The following SASS6 variants were observed in gnomAD, a reference collection of about 807,000 sequenced individuals.
SASS6 encodes spindle assembly abnormal protein 6 homolog.
In SASS6, 59 loss-of-function variants were observed where a neutral mutation model predicts 94.9. That is an observed-to-expected ratio of 0.62 (90% CI 0.50 to 0.77). SASS6 has a LOEUF of 0.77. SASS6 is among the 30% of genes least tolerant of loss of function. SASS6 has a pLI of 0.00. For missense variants in SASS6, 698 were observed against 734.1 expected, an observed-to-expected ratio of 0.95 and a Z score of 0.57; for synonymous variants, 264 against 270.0, an observed-to-expected ratio of 0.98 and a Z score of 0.22.
chr1:100,100,403 C>A lies in SASS6; in HGVS notation c.1674+2552G>T, dbSNP rs540742705. 4.6e-5 allele frequency among the ~76,000 whole-genome samples: 7 copies of A among 152,334 alleles called. No homozygotes were observed. The South Asian group carries it at 1.5e-3, about 32-fold the overall frequency. ...TTTGTCTTGTTCACTGCTGTCATCT[C>A]CTGCAACTAAAACTATGCCTGGCCA... On this transcript the variant is annotated intron_variant, in intron 14 of 16. Coordinates refer to ENST00000287482, the MANE Select transcript of SASS6 (RefSeq NM_194292.3).
chr1:100,091,160 C>T (rs1651653527), intron 14 of SASS6, among the ~76,000 whole-genome samples: 1 of 152,062 alleles, frequency 6.6e-6, no homozygotes, highest in African/African-American at 2.4e-5. Context: ...CAAAAATTAA[C>T]TGGGGGTGGT....
At chr1:100,124,470 T>G (rs906867781) in intron 2 of SASS6, among the ~76,000 whole-genome samples, 1 of 152,200 alleles carries the variant, frequency 6.6e-6, no homozygotes, top group Non-Finnish European at 1.5e-5. Context: ...AGCCTCAACC[T>G]CCCAGTCTCA....
chr1:100,116,435 T>C (rs1379129328), intron 7 of SASS6, among the ~76,000 whole-genome samples: 1 of 152,214 alleles, frequency 6.6e-6, no homozygotes, highest in Non-Finnish European at 1.5e-5. Flanking sequence ...AATGGCAATG[T>C]AAACCGGTAT....
rs6700036 is a variant in SASS6 at position 100,084,814 on chromosome 1, T to A, written c.*514A>T. ...ATGAAGGCTTAATTCATTTCAGTTA[T>A]TTAAGGTAAATTTAGGACTTTTCCC... On this transcript the variant is annotated 3_prime_UTR_variant, in exon 17 of 17. Transcript: ENST00000287482. 0.045 allele frequency: 6,821 copies of A among 152,406 alleles called. 173 individuals are homozygous for A. The highest frequency in any genetic ancestry group is 0.055 in the African/African-American group (2,270 of 41,568). 9.4% of individuals were successfully genotyped at this position (152,406 alleles called of 1,614,324 possible). A position where few individuals can be genotyped will look rare whatever the true frequency, so the allele number is the denominator to read the frequency against.
intron 7 of SASS6, among the ~76,000 whole-genome samples, chr1:100,117,124 T>TC (rs1405682936): frequency 5.3e-5 from 8 of 150,506 alleles, no homozygotes; most frequent in African/African-American, 1.7e-4. Flanking sequence ...TGAAACCCCG[T>TC]CTTCACTAAA....
chr1:100,095,337 C>T (rs1474959278), intron 14 of SASS6, among the ~76,000 whole-genome samples: 1 of 152,086 alleles, frequency 6.6e-6, no homozygotes, highest in Non-Finnish European at 1.5e-5. Flanking sequence ...CAAGACCAGC[C>T]TGGGCAACAT....
rs149440197 is a variant in SASS6, at chr1:100,121,553, T to C, written c.312-4A>G. 2.6e-6 allele frequency: 4 copies of C among 1,544,024 alleles called. No individual in the cohort carries two copies. Among genetic ancestry groups the C allele is most frequent in the South Asian group, 1.2e-5 (1 of 85,816 alleles). ...AGAAACTAACTGTAGCAAAAACCTTTGAAAAGAAAATGTTACATTATAACA... is the reference window on the plus strand; with the variant it reads ...AGAAACTAACTGTAGCAAAAACCTTCGAAAAGAAAATGTTACATTATAACA... On this transcript the variant is annotated splice_polypyrimidine_tract_variant and splice_region_variant and intron_variant, in intron 4 of 16. Transcript: ENST00000287482.
At chr1:100,129,339 T>C (rs1286272430) in intron 1 of SASS6, among the ~76,000 whole-genome samples, 1 of 152,136 alleles carries the variant, frequency 6.6e-6, no homozygotes, top group Non-Finnish European at 1.5e-5. Context: ...GATTAATGAC[T>C]TTTTGCTAGA....
intron 1 of SASS6, among the ~76,000 whole-genome samples, chr1:100,128,231 T>G (rs1226827242): frequency 6.6e-6 from 1 of 152,058 alleles, no homozygotes; most frequent in Admixed American, 6.5e-5. Context: ...GAGATGGGGT[T>G]TCACCATGTT....
intron 1 of SASS6, among the ~76,000 whole-genome samples, chr1:100,129,154 T>C (rs1654833067): frequency 6.6e-6 from 1 of 151,956 alleles, no homozygotes; most frequent in South Asian, 2.1e-4. Context: ...GCAGGAGAGC[T>C]TAAGACCAAG....
intron 13 of SASS6, among the ~76,000 whole-genome samples, chr1:100,104,929 G>A (rs760143010): frequency 1.3e-5 from 2 of 151,428 alleles, no homozygotes; most frequent in Non-Finnish European, 2.9e-5. Flanking sequence ...CTCCAGCCTC[G>A]GCAACAGAGT....
At chr1:100,125,538 G>A (rs1654545820) in intron 2 of SASS6, among the ~76,000 whole-genome samples, 2 of 151,272 alleles carry the variant, frequency 1.3e-5, no homozygotes, top group Admixed American at 1.3e-4. Flanking sequence ...AATTAGCTGG[G>A]CGTGGTGGTG....
At chr1:100,128,396 G>T (rs1409337903) in intron 1 of SASS6, among the ~76,000 whole-genome samples, 2 of 152,106 alleles carry the variant, frequency 1.3e-5, no homozygotes, top group African/African-American at 2.4e-5. Flanking sequence ...AGTACAAGAA[G>T]AATTCACTTA....
intron 7 of SASS6, among the ~76,000 whole-genome samples, chr1:100,110,954 G>A (rs954249091): frequency 1.3e-5 from 2 of 151,750 alleles, no homozygotes; most frequent in South Asian, 2.1e-4. Flanking sequence ...ATTGTAAAAC[G>A]AGCAAGGTTG....
intron 14 of SASS6, among the ~76,000 whole-genome samples, chr1:100,093,878 A>G (rs1003651607): frequency 6.6e-6 from 1 of 152,242 alleles, no homozygotes; most frequent in African/African-American, 2.4e-5. Context: ...ATAGCATTAA[A>G]TGTTTAGATT....
intron 14 of SASS6, among the ~76,000 whole-genome samples, chr1:100,093,459 T>G (rs933070609): frequency 3.5e-4 from 53 of 152,136 alleles, no homozygotes; most frequent in African/African-American, 1.3e-3. Context: ...TAGTGTTCCA[T>G]GTGTACTTGA....
At chr1:100,118,187 T>C (rs948885592) in intron 7 of SASS6, among the ~76,000 whole-genome samples, 3 of 151,978 alleles carry the variant, frequency 2.0e-5, no homozygotes, top group African/African-American at 7.3e-5. Context: ...TGGTGGCACA[T>C]GCCTGTAATC....
At chr1:100,107,322 TA>T in intron 11 of SASS6, 51 bp downstream of exon 11, 1 of 1,192,204 alleles carries the variant, frequency 8.4e-7, no homozygotes, top group Non-Finnish European at 1.2e-6. Flanking sequence ...CATAAATTTT[TA>T]AAACGAGGAA....
At chr1:100,115,982 T>C (rs544925688) in intron 7 of SASS6, among the ~76,000 whole-genome samples, 1 of 152,044 alleles carries the variant, frequency 6.6e-6, no homozygotes, top group African/African-American at 2.4e-5. Context: ...AAACAAATAT[T>C]AGAATATAGG....
Sources: allele counts gnomAD v4.1 joint callset (sites outside exome capture counted in the v4.1 genomes callset), GRCh38; gene constraint gnomAD v4.1.1; transcripts MANE v1.5; gene names NCBI Gene and HGNC (gene_info 2026-07-23, HGNC 2026-07-21).